LOXHD1: variants seen among roughly 807,000 people sequenced by gnomAD.
LOXHD1 encodes lipoxygenase homology domain-containing protein 1.
Under a neutral mutation model 248.2 loss-of-function variants are expected in LOXHD1, and 205 were observed. That is an observed-to-expected ratio of 0.83 (90% CI 0.74 to 0.93). The LOEUF (loss-of-function observed/expected upper bound fraction) is 0.93. Ranked by LOEUF, LOXHD1 falls within the 40% of genes least tolerant of loss-of-function variation. The pLI, the probability that LOXHD1 is intolerant of heterozygous loss-of-function variation, is 0.00. For synonymous variants in LOXHD1, 1,113 were observed against 1,162.8 expected, an observed-to-expected ratio of 0.96 and a Z score of 0.87; for missense variants, 2,930 against 2,971.6, an observed-to-expected ratio of 0.99 and a Z score of 0.33.
intron 37 of LOXHD1, among the ~76,000 whole-genome samples, chr18:46,496,760 T>C (rs770688835): frequency 4.6e-5 from 7 of 152,156 alleles, no homozygotes; most frequent in African/African-American, 1.7e-4. Context: ...CCCAGCACTT[T>C]GGGAGGCCGA....
chr18:46,617,566 G>C (rs2038606156), intron 5 of LOXHD1, among the ~76,000 whole-genome samples: 1 of 150,368 alleles, frequency 6.7e-6, no homozygotes, highest in Non-Finnish European at 1.5e-5. Flanking sequence ...TATAAGCTTA[G>C]CAATGCATTT....
intron 1 of LOXHD1, among the ~76,000 whole-genome samples, chr18:46,653,071 A>G (rs1046897804): frequency 6.6e-6 from 1 of 152,056 alleles, no homozygotes; most frequent in East Asian, 1.9e-4. Context: ...ACGTGGTGAA[A>G]CCCCGTCTCT....
intron 21 of LOXHD1, among the ~76,000 whole-genome samples, chr18:46,551,328 C>T (rs1334932778): frequency 4.6e-5 from 7 of 152,062 alleles, no homozygotes; most frequent in African/African-American, 9.7e-5. Flanking sequence ...TGGTCTCGAT[C>T]TCCTGACCTT....
At position 46,583,661 on chromosome 18, in the gene LOXHD1, G is replaced by A. The variant is rs1010797440; in HGVS notation, c.1655-3877C>T. ...GAAATATACCATCTTGCTCTAGTTA[G>A]AATGGCCATCATCAAAAAAACAAAA... On this transcript the variant is annotated intron_variant, in intron 12 of 40. Transcript: ENST00000642948. Among the ~76,000 whole-genome samples the A allele has an allele frequency of 2.6e-5, 4 of 152,166 alleles. No homozygotes were observed. The South Asian group carries it at 6.2e-4, about 24-fold the overall frequency.
In LOXHD1 at chr18:46,521,331, G is replaced by A. The variant is rs74353684; in HGVS notation, c.5086-49C>T. 3,512 of 1,545,910 alleles carry A rather than the reference G, an allele frequency of 2.3e-3. 67 individuals carry two copies. In the African/African-American group the frequency reaches 0.041, roughly 18 times the overall value. On this transcript the variant is annotated intron_variant, in intron 32 of 40. Transcript: ENST00000642948. ...GTGACGATCTGGGCACAACTGGGAAGGAAGTGCTCCCTGCCCAGCCCCCTC... is the reference window on the plus strand; with the variant it reads ...GTGACGATCTGGGCACAACTGGGAAAGAAGTGCTCCCTGCCCAGCCCCCTC...
At chr18:46,636,323 C>T (rs1365429919) in intron 4 of LOXHD1, among the ~76,000 whole-genome samples, 1 of 152,242 alleles carries the variant, frequency 6.6e-6, no homozygotes, top group African/African-American at 2.4e-5. Context: ...TACTGTGCAA[C>T]AGTCCTGGTG....
intron 39 of LOXHD1, among the ~76,000 whole-genome samples, chr18:46,484,175 G>C (rs1286244060): frequency 6.6e-6 from 1 of 152,102 alleles, no homozygotes; most frequent in African/African-American, 2.4e-5. Context: ...AGCTAATGGA[G>C]AAGGTATGGG....
chr18:46,523,979 A>C (rs2035703914), intron 31 of LOXHD1, among the ~76,000 whole-genome samples: 1 of 152,224 alleles, frequency 6.6e-6, no homozygotes, highest in Non-Finnish European at 1.5e-5. Flanking sequence ...TTATCTCAAA[A>C]ATCTGGTTAG....
Position 46,649,274 on chromosome 18 carries a change from A to G in LOXHD1, c.131-5T>C, listed in dbSNP as rs1028082247. Reference sequence around the variant, plus strand: ...TGGCTGTGACCACTTCATACACTGGAGGAGGAGAGGAGGAGACAGATTGCA... The same window carrying G: ...TGGCTGTGACCACTTCATACACTGGGGGAGGAGAGGAGGAGACAGATTGCA... On this transcript the variant is annotated splice_region_variant and splice_polypyrimidine_tract_variant and intron_variant, in intron 1 of 40. Transcript: ENST00000642948. The G allele has an allele frequency of 9.1e-6, 14 of 1,546,378 alleles. No homozygotes were observed. The African/African-American group carries it at 1.5e-4, about 17-fold the overall frequency.
Position 46,541,863 on chromosome 18 carries a change from C to T in LOXHD1, c.3826G>A (p.Gly1276Ser), listed in dbSNP as rs868356570. The change falls in exon 25 of 41, where the codon GGC becomes AGC. Residue 1276 changes from glycine to serine, a missense_variant. Gly to Ser is a moderately conservative substitution (Grantham distance 56). Transcript: ENST00000642948. ...TCTTCGTTTTTGGCCAGCCAGCGGC[C>T]ACAGGGAAACGTCATGCACTTCCCA... is the stretch of plus-strand genomic sequence containing the variant. ...SLGKCMTFPC[G>S]RWLAKNEDDG... 3 of 1,551,714 alleles carry T rather than the reference C, an allele frequency of 1.9e-6. No homozygotes were observed. Among genetic ancestry groups the T allele is most frequent in the Middle Eastern group, 3.3e-4 (2 of 5,992 alleles).
intron 8 of LOXHD1, among the ~76,000 whole-genome samples, chr18:46,600,391 GAGTTCA>G (rs1399762822): frequency 2.0e-5 from 3 of 152,166 alleles, no homozygotes; most frequent in Admixed American, 6.5e-5. Flanking sequence ...CTGAGGTCAG[GAGTTCA>G]AGTCCAGCCT....
chr18:46,591,147 A>G (rs1014174269), intron 12 of LOXHD1, among the ~76,000 whole-genome samples: 1 of 152,238 alleles, frequency 6.6e-6, no homozygotes, highest in Non-Finnish European at 1.5e-5. Context: ...TACTGGAACT[A>G]TGGGTGACAT....
Position 46,542,776 on chromosome 18 carries a change from C to G in LOXHD1, c.3699G>C (p.Thr1233=). 1 of 1,551,668 alleles carries G rather than the reference C, an allele frequency of 6.4e-7. No individual in the cohort carries two copies. Among genetic ancestry groups the G allele is most frequent in the Non-Finnish European group, 8.7e-7 (1 of 1,146,988 alleles). ...RDSIEIFTVE[T]LDLGDLWKVR... Reference sequence around the variant, plus strand: ...CTTTCCACAGGTCTCCCAGATCCAGCGTCTCCACCGTGAAGATTTCAATGC... The same window carrying G: ...CTTTCCACAGGTCTCCCAGATCCAGGGTCTCCACCGTGAAGATTTCAATGC... The change falls in exon 24 of 41, where the codon ACG becomes ACC. Residue 1233 remains threonine, a synonymous_variant. Transcript: ENST00000642948.
intron 4 of LOXHD1, among the ~76,000 whole-genome samples, chr18:46,634,554 C>A (rs747281994): frequency 6.6e-6 from 1 of 152,180 alleles, no homozygotes; most frequent in African/African-American, 2.4e-5. Context: ...CTTTGGGCTA[C>A]ATGTATAAGG....
intron 8 of LOXHD1, 60 bp from the exon 9 acceptor site, chr18:46,594,526 A>C (rs1334973578): frequency 6.5e-7 from 1 of 1,544,264 alleles, no homozygotes; most frequent in Non-Finnish European, 8.8e-7. Context: ...CCTCTTCGTG[A>C]TGTTCAGCAG....
At chr18:46,594,489 T>G in intron 8 of LOXHD1, 23 bp from the exon 9 acceptor site, 3 of 1,550,750 alleles carry the variant, frequency 1.9e-6, no homozygotes, top group Non-Finnish European at 2.6e-6. Context: ...GAGCACAGTG[T>G]CTCCGGCATT....
At chr18:46,564,502 G>A (rs1272164037) in intron 17 of LOXHD1, among the ~76,000 whole-genome samples, 1 of 152,188 alleles carries the variant, frequency 6.6e-6, no homozygotes, top group Non-Finnish European at 1.5e-5. Flanking sequence ...CTGCACTCCA[G>A]CCTGGGTGCC....
intron 22 of LOXHD1, among the ~76,000 whole-genome samples, chr18:46,546,578 C>T (rs2036851635): frequency 6.6e-6 from 1 of 151,508 alleles, no homozygotes; most frequent in Non-Finnish European, 1.5e-5. Context: ...CAATCTATTC[C>T]ATTCCAATCA....
chr18:46,532,766 G>T (rs1171753666), intron 28 of LOXHD1, among the ~76,000 whole-genome samples: 5 of 152,182 alleles, frequency 3.3e-5, no homozygotes, highest in African/African-American at 1.2e-4. Flanking sequence ...ATACTAAGTT[G>T]GGACAGCTAA....
Sources: gnomAD v4.1 joint callset for allele counts (sites outside exome capture counted in the v4.1 genomes callset) on GRCh38, gnomAD v4.1.1 for gene constraint, MANE v1.5 for transcripts, NCBI Gene and HGNC (gene_info 2026-07-23, HGNC 2026-07-21) for gene names.